EYS: variants seen among roughly 807,000 people sequenced by gnomAD.
EYS encodes protein eyes shut homolog.
In EYS, 250 loss-of-function variants were observed where a neutral mutation model predicts 282.1. That is an observed-to-expected ratio of 0.89 (90% CI 0.80 to 0.98). EYS has a LOEUF of 0.98. Among genes scored for constraint, EYS ranks in the 50% least tolerant of loss-of-function variants. EYS has a pLI of 0.00. For missense variants in EYS, 4,016 were observed against 3,709.0 expected, an observed-to-expected ratio of 1.08 and a Z score of -2.15; for synonymous variants, 1,355 against 1,282.9, an observed-to-expected ratio of 1.06 and a Z score of -1.20.
chr6:65,256,058 G>A (rs1394647986), intron 12 of EYS, among the ~76,000 whole-genome samples: 2 of 151,952 alleles, frequency 1.3e-5, no homozygotes, highest in Non-Finnish European at 2.9e-5. Flanking sequence ...CGTGCTGCTT[G>A]CAGCACTAAT....
chr6:63,949,169 C>A (rs1323066908), intron 35 of EYS, among the ~76,000 whole-genome samples: 4 of 152,254 alleles, frequency 2.6e-5, no homozygotes, highest in African/African-American at 9.6e-5. Context: ...AGACATAGTT[C>A]TGTTAGAAGA....
chr6:64,312,167 G>A (rs116130273), intron 29 of EYS, among the ~76,000 whole-genome samples: 4,727 of 152,052 alleles, frequency 0.031, 234 homozygotes, highest in African/African-American at 0.11. Context: ...ATCTGAGGTC[G>A]ACCTAGGATG....
chr6:65,104,292 T>A (rs1432700309), intron 12 of EYS, among the ~76,000 whole-genome samples: 1 of 151,662 alleles, frequency 6.6e-6, no homozygotes, highest in Non-Finnish European at 1.5e-5. Flanking sequence ...AAATGTCTTA[T>A]AATGTGTCCT....
intron 28 of EYS, among the ~76,000 whole-genome samples, chr6:64,392,943 G>T (rs1280415763): frequency 1.3e-5 from 2 of 151,992 alleles, no homozygotes; most frequent in East Asian, 1.9e-4. Context: ...TGATAAAGGG[G>T]ATATCACCAC....
At position 65,494,819 on chromosome 6, in the gene EYS, A is replaced by T. The variant is rs886061686; in HGVS notation, c.592T>A (p.Tyr198Asn). The part of the protein sequence containing the change: ...KCLSEAWSKT[Y>N]SCHCQPPFSG... ...AATGGAGGCTGGCAATGGCAGCTATATGTCTTGCTCCAAGCTTCACTAAGA... is the reference window on the plus strand; with the variant it reads ...AATGGAGGCTGGCAATGGCAGCTATTTGTCTTGCTCCAAGCTTCACTAAGA... The change falls in exon 4 of 43, where the codon TAT becomes AAT. Residue 198 changes from tyrosine to asparagine, a missense_variant. Coordinates refer to ENST00000503581, the MANE Select transcript of EYS (RefSeq NM_001142800.2). The T allele has an allele frequency of 1.2e-5, 19 of 1,613,966 alleles. No homozygotes were observed. Among genetic ancestry groups the T allele is most frequent in the Non-Finnish European group, 1.6e-5 (19 of 1,180,014 alleles).
intron 8 of EYS, among the ~76,000 whole-genome samples, chr6:65,380,728 A>G (rs1765578826): frequency 6.6e-6 from 1 of 152,174 alleles, no homozygotes; most frequent in South Asian, 2.1e-4. Context: ...TCCATCTGAC[A>G]AAGGGCTAAT....
chr6:64,414,249 A>G (rs764426072), intron 28 of EYS, among the ~76,000 whole-genome samples: 6 of 152,196 alleles, frequency 3.9e-5, no homozygotes, highest in Non-Finnish European at 5.9e-5. Context: ...TCTGAAAGTT[A>G]TTAGATATTT....
At chr6:65,534,335 T>C (rs543551672) in intron 2 of EYS, among the ~76,000 whole-genome samples, 1 of 152,264 alleles carries the variant, frequency 6.6e-6, no homozygotes, top group South Asian at 2.1e-4. Context: ...TACAGTTTTA[T>C]ATGAAGTTTA....
intron 12 of EYS, among the ~76,000 whole-genome samples, chr6:65,079,715 T>G (rs1179301618): frequency 6.6e-6 from 1 of 151,898 alleles, no homozygotes; most frequent in Non-Finnish European, 1.5e-5. Flanking sequence ...CTGCATTGAC[T>G]TTACATGTAT....
intron 26 of EYS, among the ~76,000 whole-genome samples, chr6:64,472,817 T>C (rs1776157892): frequency 6.6e-6 from 1 of 152,156 alleles, no homozygotes; most frequent in African/African-American, 2.4e-5. Flanking sequence ...TAAAAATCAC[T>C]GTAATGACAT....
intron 22 of EYS, among the ~76,000 whole-genome samples, chr6:64,756,352 A>C (rs1020764628): frequency 1.3e-5 from 2 of 152,208 alleles, no homozygotes; most frequent in Admixed American, 6.5e-5. Flanking sequence ...ACTCATTTTC[A>C]GTCTGAGACT....
chr6:65,618,032 T>C (rs559217060), intron 2 of EYS, among the ~76,000 whole-genome samples: 2 of 152,322 alleles, frequency 1.3e-5, no homozygotes, highest in African/African-American at 2.4e-5. Context: ...TGTGTGTTTA[T>C]AGCAGCATGA....
At chr6:63,829,046 C>G (rs1222186398) in intron 36 of EYS, among the ~76,000 whole-genome samples, 3 of 152,200 alleles carry the variant, frequency 2.0e-5, no homozygotes, top group Non-Finnish European at 4.4e-5. Flanking sequence ...TATAGCAGCA[C>G]AATTCACAAT....
At chr6:63,898,470 A>C (rs1773587787) in intron 35 of EYS, among the ~76,000 whole-genome samples, 1 of 151,584 alleles carries the variant, frequency 6.6e-6, no homozygotes. Context: ...CAGCCTGAGC[A>C]AAAGAGCGAG....
intron 26 of EYS, among the ~76,000 whole-genome samples, chr6:64,534,972 A>G (rs73767312): frequency 0.016 from 2,469 of 152,114 alleles, 51 homozygotes; most frequent in African/African-American, 0.053. Flanking sequence ...ATTTTTCTCA[A>G]TGAATCTCCT....
intron 12 of EYS, among the ~76,000 whole-genome samples, chr6:65,207,902 C>T (rs935290194): frequency 6.6e-6 from 1 of 151,676 alleles, no homozygotes; most frequent in African/African-American, 2.4e-5. Context: ...GAATGTAAGG[C>T]CTGAAACTAT....
At chr6:63,788,052 T>C (rs899177199) in intron 39 of EYS, 53 bp downstream of exon 39, 5 of 1,342,284 alleles carry the variant, frequency 3.7e-6, no homozygotes, top group African/African-American at 3.0e-5. Context: ...AATATTTTTT[T>C]CCCTCAACAT....
At chr6:64,151,327 A>ATATATATATATATTTT (rs1362843728) in intron 31 of EYS, among the ~76,000 whole-genome samples, 1 of 86,294 alleles carries the variant, frequency 1.2e-5, no homozygotes, top group African/African-American at 6.6e-5. Context: ...TTATATATAT[A>ATATATATATATATTTT]TATATATATA....
intron 22 of EYS, among the ~76,000 whole-genome samples, chr6:64,721,139 A>G (rs1456410531): frequency 2.6e-5 from 4 of 152,312 alleles, no homozygotes; most frequent in Non-Finnish European, 4.4e-5. Context: ...AACAACAGGA[A>G]CAACAAAGGC....
Sources: gnomAD v4.1 joint callset for allele counts (sites outside exome capture counted in the v4.1 genomes callset) on GRCh38, gnomAD v4.1.1 for gene constraint, MANE v1.5 for transcripts, NCBI Gene and HGNC (gene_info 2026-07-23, HGNC 2026-07-21) for gene names.